BCL2L13: variants seen among roughly 807,000 people sequenced by gnomAD.
The protein encoded by BCL2L13 is bcl-2-like protein 13.
BCL2L13 carries 13 observed loss-of-function variants against 25.8 expected under a neutral mutation model. The ratio of observed to expected loss-of-function variants is 0.50; its 90% CI spans 0.33 to 0.80. The LOEUF is 0.80. BCL2L13 is among the 30% of genes least tolerant of loss of function. The pLI is 0.02. For synonymous variants in BCL2L13, 244 were observed against 230.3 expected, an observed-to-expected ratio of 1.06 and a Z score of -0.54; for missense variants, 504 against 574.9, an observed-to-expected ratio of 0.88 and a Z score of 1.26.
upstream of BCL2L13, among the ~76,000 whole-genome samples, chr22:17,636,751 G>A (rs373177283): frequency 9.2e-5 from 14 of 152,142 alleles, no homozygotes; most frequent in East Asian, 3.9e-4. Flanking sequence ...CTGAGATCGC[G>A]CCATTGCACT....
intron 6 of BCL2L13, among the ~76,000 whole-genome samples, chr22:17,716,739 T>C (rs2060956437): frequency 6.6e-6 from 1 of 152,222 alleles, no homozygotes; most frequent in South Asian, 2.1e-4. Context: ...ACTTCAAATG[T>C]AGAACTACTT....
chr22:17,685,811 G>T (rs1485054189), intron 3 of BCL2L13, among the ~76,000 whole-genome samples: 2 of 99,638 alleles, frequency 2.0e-5, no homozygotes, highest in East Asian at 6.9e-4. Context: ...TCGCTCTGTT[G>T]CCCAGGCTGG....
chr22:17,695,939 C>T lies in BCL2L13; in HGVS notation c.387-202C>T, dbSNP rs2060251814. On this transcript the variant is annotated intron_variant, in intron 4 of 6. Coordinates refer to ENST00000317582, the MANE Select transcript of BCL2L13 (RefSeq NM_015367.4). ...TATCTTGCTATGTTATTAACTATTT[C>T]CCAGGCATGCATCACAGCTTATAGA... 4 of 451,168 alleles carry T rather than the reference C, an allele frequency of 8.9e-6. No homozygotes were observed. In the East Asian group the frequency reaches 1.3e-4, roughly 15 times the overall value. The allele number at this position is 451,168 out of a possible 1,614,324, so 27.9% of individuals were successfully genotyped here. A position where few individuals can be genotyped will look rare whatever the true frequency, so the allele number is the denominator to read the frequency against.
intron 2 of BCL2L13, among the ~76,000 whole-genome samples, chr22:17,671,481 C>A (rs111834265): frequency 2.7e-5 from 4 of 149,836 alleles, no homozygotes; most frequent in African/African-American, 9.8e-5. Flanking sequence ...GCAGGGGAAT[C>A]GCTTGAACCT....
intron 1 of BCL2L13, among the ~76,000 whole-genome samples, chr22:17,646,676 T>C (rs560818525): frequency 1.5e-3 from 213 of 145,564 alleles, no homozygotes; most frequent in Non-Finnish European, 2.4e-3. Flanking sequence ...GGTAACTATA[T>C]GTCCCTCTCA....
rs2061321992 is a variant in BCL2L13 at position 17,727,187 on chromosome 22, A to G, written c.1111A>G (p.Ser371Gly). 1.2e-6 allele frequency: 2 copies of G among 1,614,244 alleles called. No individual in the cohort carries two copies. Among genetic ancestry groups the G allele is most frequent in the Non-Finnish European group, 1.7e-6 (2 of 1,180,050 alleles). The stretch of plus-strand genomic sequence containing the variant: ...AGAAGTGATCACAGTTGAGAAATCC[A>G]GCCCTGCTACATCTCTGTTTGTAGA... ...DTEVITVEKS[S>G]PATSLFVELD... The change falls in exon 7 of 7, where the codon AGC becomes GGC. Residue 371 changes from serine to glycine, a missense_variant. Transcript: ENST00000317582.
intron 3 of BCL2L13, chr22:17,684,844 T>C (rs950918048): frequency 1.8e-4 from 59 of 323,194 alleles, no homozygotes; most frequent in South Asian, 8.9e-4. Flanking sequence ...GCCATTCTCC[T>C]GCCTCAGCCT....
intron 2 of BCL2L13, among the ~76,000 whole-genome samples, chr22:17,667,287 T>G (rs2059262078): frequency 6.6e-6 from 1 of 151,666 alleles, no homozygotes; most frequent in African/African-American, 2.4e-5. Context: ...TTCTCCTGCC[T>G]AAGCCTCCTG....
intron 2 of BCL2L13, among the ~76,000 whole-genome samples, chr22:17,680,741 G>A (rs1368036497): frequency 2.0e-5 from 3 of 152,038 alleles, no homozygotes; most frequent in Admixed American, 6.6e-5. Flanking sequence ...CACATGATCA[G>A]AAAGTGGCAG....
chr22:17,659,056 TAAAA>T (rs752881083), intron 2 of BCL2L13, among the ~76,000 whole-genome samples: 9 of 28,092 alleles, frequency 3.2e-4, no homozygotes, highest in African/African-American at 9.6e-4. Context: ...AGACTCCATC[TAAAA>T]AAAAAAAAAA....
chr22:17,707,635 A>G (rs2060628750), intron 6 of BCL2L13, among the ~76,000 whole-genome samples: 1 of 152,200 alleles, frequency 6.6e-6, no homozygotes, highest in African/African-American at 2.4e-5. Context: ...ATTATCCAAA[A>G]CAGCTCTTTT....
chr22:17,646,955 A>ATATTTTTTTTT (rs768488873), intron 1 of BCL2L13, among the ~76,000 whole-genome samples: 8 of 22,188 alleles, frequency 3.6e-4, no homozygotes, highest in Non-Finnish European at 3.8e-4. Context: ...ATATATATAT[A>ATATTTTTTTTT]TTTTTTTTTT....
intron 2 of BCL2L13, among the ~76,000 whole-genome samples, chr22:17,673,507 A>G (rs963302561): frequency 6.7e-6 from 1 of 149,904 alleles, no homozygotes; most frequent in African/African-American, 2.5e-5. Context: ...AGCTGGAACT[A>G]CAGTCGCCCA....
At chr22:17,671,123 G>A (rs1481938561) in intron 2 of BCL2L13, among the ~76,000 whole-genome samples, 1 of 145,974 alleles carries the variant, frequency 6.9e-6, no homozygotes, top group African/African-American at 2.5e-5. Context: ...GGCCGGGCAC[G>A]GTGGTTCACA....
At chr22:17,647,341 C>G (rs996424666) in intron 1 of BCL2L13, among the ~76,000 whole-genome samples, 4 of 151,974 alleles carry the variant, frequency 2.6e-5, no homozygotes, top group African/African-American at 9.7e-5. Flanking sequence ...AACTCCTGAC[C>G]TCGTGATCCG....
intron 4 of BCL2L13, chr22:17,692,540 C>G (rs2060134366): frequency 6.6e-6 from 1 of 152,200 alleles, no homozygotes. Context: ...CACGAATCTG[C>G]TACTTAGCCC....
intron 2 of BCL2L13, among the ~76,000 whole-genome samples, chr22:17,680,807 T>A (rs946733550): frequency 8.5e-5 from 13 of 152,110 alleles, no homozygotes; most frequent in African/African-American, 3.1e-4. Context: ...GTGATTAGGA[T>A]TGGTCATTGT....
intron 3 of BCL2L13, among the ~76,000 whole-genome samples, chr22:17,688,282 G>A (rs977057191): frequency 5.9e-5 from 9 of 152,156 alleles, no homozygotes; most frequent in African/African-American, 2.2e-4. Context: ...ATACTTGTTT[G>A]TATAATCTTC....
At chr22:17,674,420 CAT>C (rs1415539387) in intron 2 of BCL2L13, among the ~76,000 whole-genome samples, 2 of 151,916 alleles carry the variant, frequency 1.3e-5, no homozygotes, top group Admixed American at 6.6e-5. Context: ...GCCTGGCCAA[CAT>C]AGTGAAACCC....
Sources: gnomAD v4.1 joint callset for allele counts (sites outside exome capture counted in the v4.1 genomes callset) on GRCh38, gnomAD v4.1.1 for gene constraint, MANE v1.5 for transcripts, NCBI Gene and HGNC (gene_info 2026-07-23, HGNC 2026-07-21) for gene names.